ABCC1: variants seen among roughly 807,000 people sequenced by gnomAD.
The protein encoded by ABCC1 is multidrug resistance-associated protein 1.
A neutral mutation model predicts 172.9 loss-of-function variants in ABCC1; 83 were observed. The ratio of observed to expected loss-of-function variants is 0.48; its 90% CI spans 0.40 to 0.58. ABCC1 has a LOEUF of 0.58. ABCC1 is among the 20% of genes least tolerant of loss of function. The pLI is 0.00. For missense variants in ABCC1, 1,817 were observed against 2,002.7 expected (o/e 0.91, Z 1.77); for synonymous variants, 937 against 825.2 (o/e 1.14, Z -2.32).
chr16:15,986,819 C>T (rs2046755630), intron 1 of ABCC1, among the ~76,000 whole-genome samples: 1 of 152,156 alleles, frequency 6.6e-6, no homozygotes, highest in African/African-American at 2.4e-5. Context: ...GTTCCAGGCA[C>T]ATAGTAGGGG....
chr16:16,029,097 G>C (rs938144045), intron 5 of ABCC1, among the ~76,000 whole-genome samples: 4 of 152,226 alleles, frequency 2.6e-5, no homozygotes, highest in Admixed American at 2.6e-4. Flanking sequence ...CCGAGCCCCA[G>C]AGCGGAGCCT....
At chr16:15,969,612 TC>T (rs36108316) in intron 1 of ABCC1, among the ~76,000 whole-genome samples, 128,068 of 151,918 alleles carry the variant, frequency 0.84, 54,291 homozygotes, top group African/African-American at 0.91. Flanking sequence ...CCTCAGGTGA[TC>T]CCCCCTGCCT....
chr16:16,014,771 CT>C, intron 4 of ABCC1, 143 bp downstream of exon 4: 1 of 939,418 alleles, frequency 1.1e-6, no homozygotes. Context: ...CCCTTGGTGA[CT>C]TTCCTACCCC....
rs369726733 is a variant in ABCC1 at position 16,134,466 on chromosome 16, C to A, written c.4083C>A (p.Ile1361=). ...TCGATGGCATCAACATCGCCAAGAT[C>A]GGCCTGCACGACCTCCGCTTCAAGA... is the stretch of plus-strand genomic sequence containing the variant. ...IIIDGINIAK[I]GLHDLRFKIT... Residue 1361 remains isoleucine, a synonymous_variant, in exon 28 of 31, where the codon ATC becomes ATA. Coordinates refer to ENST00000399410, the MANE Select transcript of ABCC1 (RefSeq NM_004996.4). The A allele has an allele frequency of 1.3e-5, 21 of 1,613,982 alleles. No homozygotes were observed. The South Asian group carries it at 2.2e-4, about 17-fold the overall frequency.
chr16:16,141,387 CAT>C lies in ABCC1; in HGVS notation c.*108_*109del, dbSNP rs1332714616. ...CAAGCCTCCCACACTGAAACCAAAACATAAAAACCAAACCCAGACAACCAAAA... is the reference window on the plus strand; with the variant it reads ...CAAGCCTCCCACACTGAAACCAAAACAAAAACCAAACCCAGACAACCAAAA... On this transcript the variant is annotated 3_prime_UTR_variant, in exon 31 of 31. Coordinates refer to ENST00000399410, the MANE Select transcript of ABCC1 (RefSeq NM_004996.4). 6 of 1,040,208 alleles carry C rather than the reference CAT, an allele frequency of 5.8e-6. No individual in the cohort carries two copies. The highest frequency in any genetic ancestry group is 7.1e-6 in the Non-Finnish European group (5 of 702,152). 64.4% of individuals were successfully genotyped at this position (1,040,208 alleles called of 1,614,324 possible).
At chr16:16,047,757 C>A (rs1453051938) in intron 9 of ABCC1, among the ~76,000 whole-genome samples, 1 of 152,060 alleles carries the variant, frequency 6.6e-6, no homozygotes, top group Non-Finnish European at 1.5e-5. Flanking sequence ...CTGACACAGC[C>A]TGGAAGCGTA....
chr16:15,995,438 A>G (rs533521063), intron 1 of ABCC1, among the ~76,000 whole-genome samples: 1 of 152,192 alleles, frequency 6.6e-6, no homozygotes, highest in Admixed American at 6.5e-5. Flanking sequence ...AAGAACTAGC[A>G]CCTGCCCACC....
intron 5 of ABCC1, among the ~76,000 whole-genome samples, chr16:16,017,904 C>T (rs1483624280): frequency 6.6e-6 from 1 of 151,930 alleles, no homozygotes; most frequent in Non-Finnish European, 1.5e-5. Context: ...TACAAGGGCC[C>T]TGGGGTGGGG....
At chr16:16,093,543 C>G (rs1189376299) in intron 19 of ABCC1, among the ~76,000 whole-genome samples, 4 of 152,148 alleles carry the variant, frequency 2.6e-5, no homozygotes, top group Non-Finnish European at 4.4e-5. Flanking sequence ...CCAGTTTGAC[C>G]TCCCTACCTC....
At chr16:16,134,624 T>TA (rs2152149784) in intron 28 of ABCC1, 116 bp downstream of exon 28, 7 of 485,070 alleles carry the variant, frequency 1.4e-5, no homozygotes, top group Non-Finnish European at 1.5e-5. Flanking sequence ...ACTTCATCGT[T>TA]CTTTTTTTTT....
chr16:16,015,225 T>C (rs2047951702), intron 4 of ABCC1, among the ~76,000 whole-genome samples: 2 of 151,460 alleles, frequency 1.3e-5, no homozygotes, highest in Non-Finnish European at 2.9e-5. Context: ...CTGTAACTTC[T>C]ACCTCCTATG....
intron 19 of ABCC1, among the ~76,000 whole-genome samples, chr16:16,101,707 C>T (rs568504855): frequency 6.6e-6 from 1 of 152,248 alleles, no homozygotes; most frequent in East Asian, 1.9e-4. Flanking sequence ...GGGCAGTAGT[C>T]ATCATCATCA....
intron 17 of ABCC1, among the ~76,000 whole-genome samples, chr16:16,084,817 C>T (rs753589538): frequency 2.1e-4 from 32 of 152,094 alleles, no homozygotes; most frequent in Non-Finnish European, 2.1e-4. Context: ...GATGGGATTT[C>T]GCTGTGTTGG....
chr16:16,057,090 C>T (rs1421883884), intron 12 of ABCC1, among the ~76,000 whole-genome samples: 1 of 151,202 alleles, frequency 6.6e-6, no homozygotes. Flanking sequence ...GCCTGTAATC[C>T]CAGCCCTTTG....
chr16:16,032,701 A>G (rs976795486), intron 5 of ABCC1, among the ~76,000 whole-genome samples: 1 of 152,332 alleles, frequency 6.6e-6, no homozygotes, highest in African/African-American at 2.4e-5. Context: ...ATACCCGCTC[A>G]TGAGGTTGTC....
chr16:16,117,752 A>T (rs1279543211), intron 23 of ABCC1, among the ~76,000 whole-genome samples: 3 of 152,186 alleles, frequency 2.0e-5, no homozygotes, highest in Admixed American at 6.5e-5. Context: ...CTAAAAATAC[A>T]AAAATTAGCC....
rs199599577 is a variant in ABCC1, at chr16:16,103,601, ACAG to A, written c.2735+897_2735+899del. Among the ~76,000 whole-genome samples the A allele has an allele frequency of 7.2e-3, 1,102 of 152,014 alleles. 7 individuals are homozygous for A. Among genetic ancestry groups the A allele is most frequent in the African/African-American group, 0.024 (999 of 41,380 alleles). On this transcript the variant is annotated intron_variant, in intron 20 of 30. Transcript: ENST00000399410. ...TCTCAAAAAACAAAAACAAAACAAAACAGCAGCAGCAGCAGAAAACAGTAAAAC... is the reference window on the plus strand; with the variant it reads ...TCTCAAAAAACAAAAACAAAACAAAACAGCAGCAGCAGAAAACAGTAAAAC...
In ABCC1 at chr16:16,009,853, C is replaced by A. The variant is rs768200286; in HGVS notation, c.303C>A (p.Phe101Leu). 39 of 1,611,510 alleles carry A rather than the reference C, an allele frequency of 2.4e-5. No individual in the cohort carries two copies. The highest frequency in any genetic ancestry group is 3.2e-5 in the Non-Finnish European group (38 of 1,179,076). Residue 101 changes from phenylalanine to leucine, a missense_variant, in exon 3 of 31, where the codon TTC (phenylalanine) becomes TTA (leucine). Phe to Leu is a conservative substitution (Grantham distance 22). Around this residue, in one of 3 missense-constraint regions of ABCC1, gnomAD observed 398 missense variants for 384.2 expected, o/e 1.04. Coordinates refer to ENST00000399410, the MANE Select transcript of ABCC1 (RefSeq NM_004996.4). ...TCTGGGAAAGAAGTCGGGGCATATT[C>A]CTGGCCCCAGTGTTTCTGGTCAGCC... ...YSFWERSRGI[F>L]LAPVFLVSPT...
chr16:16,007,991 C>T lies in ABCC1; in HGVS notation c.224C>T (p.Thr75Ile). The T allele has an allele frequency of 6.4e-7, 1 of 1,554,540 alleles. No homozygotes were observed. ...IQMTPLNKTK[T>I]ALGFLLWIVC... ...ATGACACCTCTCAACAAAACCAAAA[C>T]TGTAAGTCACTGGGGGGTTTCGTTG... is the stretch of plus-strand genomic sequence containing the variant. The change falls in exon 2 of 31, where the codon ACT (threonine) becomes ATT (isoleucine). Residue 75 changes from threonine (T) to isoleucine (I), a missense_variant and splice_region_variant. This residue lies in a region of ABCC1 where 398 missense variants were observed against 384.2 expected (regional missense o/e 1.04). Transcript: ENST00000399410.
Sources: gnomAD v4.1 joint callset for allele counts (sites outside exome capture counted in the v4.1 genomes callset) on GRCh38, gnomAD v4.1.1 for gene constraint, gnomAD v4.1.1 regional missense constraint, MANE v1.5 for transcripts, NCBI Gene and HGNC (gene_info 2026-07-23, HGNC 2026-07-21) for gene names.